GPR89A: variants seen among roughly 807,000 people sequenced by gnomAD.
The protein encoded by GPR89A is G protein-coupled receptor 89A.
GPR89A carries 16 observed loss-of-function variants against 52.0 expected under a neutral mutation model. The ratio of observed to expected loss-of-function variants is 0.31; its 90% CI spans 0.21 to 0.47. GPR89A has a LOEUF of 0.47. Among genes scored for constraint, GPR89A ranks in the 20% least tolerant of loss-of-function variants. GPR89A has a pLI of 1.00. For synonymous variants in GPR89A, 55 were observed against 150.9 expected (o/e 0.36, Z 4.66); for missense variants, 135 against 449.4 (o/e 0.30, Z 6.33).
At chr1:145,624,825 T>TACCC (rs1170042336) in intron 5 of GPR89A, among the ~76,000 whole-genome samples, 2 of 140,228 alleles carry the variant, frequency 1.4e-5, no homozygotes, top group Non-Finnish European at 3.1e-5. Context: ...TCACCACCCC[T>TACCC]ACATTGTTCA....
At position 145,670,591 on chromosome 1, in the gene GPR89A, T is replaced by TATC. The variant is rs1363635004; in HGVS notation, c.*552_*554dup. ...CCATTAAAATAACCAAGAAAGAGGT[T>TATC]ATCTGTTCTTTTCCGGGAAAGGGGT... On this transcript the variant is annotated 3_prime_UTR_variant, in exon 14 of 14. Transcript: ENST00000313835. 9.8e-5 allele frequency: 18 copies of TATC among 183,542 alleles called. No individual in the cohort carries two copies. The highest frequency in any genetic ancestry group is 1.6e-4 in the Non-Finnish European group (14 of 86,590). The allele number at this position is 183,542 out of a possible 1,614,324, so 11.4% of individuals were successfully genotyped here.
Position 145,655,243 on chromosome 1 carries a change from C to A in GPR89A, c.909+7976C>A, listed in dbSNP as rs1571533097. ...TTCTTTGCATTGGGTTAGAACATTA[C>A]TTCTTTTGCTCAGCAATGTTTGTTA... On this transcript the variant is annotated intron_variant, in intron 10 of 13. Coordinates refer to ENST00000313835, the MANE Select transcript of GPR89A (RefSeq NM_001097612.2). Among the ~76,000 whole-genome samples the A allele has an allele frequency of 5.9e-5, 9 of 152,262 alleles. No individual in the cohort carries two copies. In the South Asian group the frequency reaches 1.7e-3, roughly 28 times the overall value.
intron 7 of GPR89A, among the ~76,000 whole-genome samples, chr1:145,634,551 T>G (rs1650092757): frequency 6.6e-6 from 1 of 150,796 alleles, no homozygotes. Context: ...CAAGGTGGGA[T>G]TTCATAGAAA....
At chr1:145,617,645 G>C (rs1304538835) in intron 2 of GPR89A, among the ~76,000 whole-genome samples, 2 of 152,004 alleles carry the variant, frequency 1.3e-5, no homozygotes, top group Non-Finnish European at 2.9e-5. Flanking sequence ...AAATGTCCAT[G>C]AAACAATTTA....
chr1:145,669,620 G>A lies in GPR89A; in HGVS notation c.1096-5G>A. On this transcript the variant is annotated splice_polypyrimidine_tract_variant and splice_region_variant and intron_variant, in intron 12 of 13. Coordinates refer to ENST00000313835, the MANE Select transcript of GPR89A (RefSeq NM_001097612.2). ...GCATAAATTCATCTCCCTCTTTCTT[G>A]ACAGTTCTTTTATGCCATCTCTAGC... 6.2e-7 allele frequency: 1 copy of A among 1,610,920 alleles called. No homozygotes were observed.
At chr1:145,610,048 G>A (rs1218304744) in intron 1 of GPR89A, among the ~76,000 whole-genome samples, 1 of 151,976 alleles carries the variant, frequency 6.6e-6, no homozygotes, top group Non-Finnish European at 1.5e-5. Context: ...TTTGTTATCT[G>A]TCCATGAGGT....
intron 12 of GPR89A, among the ~76,000 whole-genome samples, chr1:145,667,044 A>G (rs1236730197): frequency 5.9e-5 from 9 of 152,178 alleles, no homozygotes; most frequent in African/African-American, 1.7e-4. Context: ...TGCAATAAAC[A>G]TACGTGTGCA....
intron 10 of GPR89A, among the ~76,000 whole-genome samples, chr1:145,660,476 G>T: frequency 6.6e-6 from 1 of 151,860 alleles, no homozygotes; most frequent in Non-Finnish European, 1.5e-5. Flanking sequence ...AAACTAAAGA[G>T]CTTCTGCACA....
intron 10 of GPR89A, among the ~76,000 whole-genome samples, chr1:145,658,881 G>A (rs1293777632): frequency 3.3e-5 from 5 of 151,634 alleles, no homozygotes; most frequent in East Asian, 2.0e-4. Flanking sequence ...GGGTTCAAGC[G>A]ATTCTCCTGC....
Position 145,635,172 on chromosome 1 carries a change from C to T in GPR89A, c.617+3428C>T, listed in dbSNP as rs587601640. On this transcript the variant is annotated intron_variant, in intron 7 of 13. Transcript: ENST00000313835. The stretch of plus-strand genomic sequence containing the variant: ...CTGTAATCCCAGCACTTTGGGAGGC[C>T]GAGTCGGGCAGATCACAAGGTCAGG... Among the ~76,000 whole-genome samples, 18 of 152,208 alleles carry T rather than the reference C, an allele frequency of 1.2e-4. No individual in the cohort carries two copies. The South Asian group carries it at 2.9e-3, about 25-fold the overall frequency.
chr1:145,614,228 A>G (rs1553686623), intron 1 of GPR89A, among the ~76,000 whole-genome samples: 1 of 152,210 alleles, frequency 6.6e-6, no homozygotes, highest in East Asian at 1.9e-4. Flanking sequence ...ACCCCAAATT[A>G]AAACTTCCTT....
At chr1:145,616,153 A>T (rs1311093766) in intron 1 of GPR89A, 81 bp from the exon 2 acceptor site, 4 of 842,454 alleles carry the variant, frequency 4.7e-6, no homozygotes, top group Non-Finnish European at 7.8e-6. Context: ...TAGTTAGCAG[A>T]CCTTTTATCA....
intron 7 of GPR89A, among the ~76,000 whole-genome samples, chr1:145,641,968 G>C: frequency 6.6e-6 from 1 of 151,784 alleles, no homozygotes; most frequent in South Asian, 2.1e-4. Flanking sequence ...AGCAAAATTG[G>C]TTTAGAATTA....
chr1:145,615,411 A>G (rs1378629536), intron 1 of GPR89A, among the ~76,000 whole-genome samples: 4 of 151,328 alleles, frequency 2.6e-5, no homozygotes, highest in Non-Finnish European at 5.9e-5. Flanking sequence ...TGGTGCAATC[A>G]TGGCTCACTG....
At chr1:145,619,945 G>A (rs1328612014) in intron 3 of GPR89A, among the ~76,000 whole-genome samples, 2 of 152,000 alleles carry the variant, frequency 1.3e-5, no homozygotes, top group Non-Finnish European at 2.9e-5. Context: ...AACCCAGGAG[G>A]CAGAGCTTGC....
chr1:145,619,549 A>C (rs1206282929), intron 3 of GPR89A, among the ~76,000 whole-genome samples: 1 of 152,064 alleles, frequency 6.6e-6, no homozygotes, highest in Non-Finnish European at 1.5e-5. Context: ...GAGTTTGAGG[A>C]TATGCAGTGA....
chr1:145,670,617 G>T lies in GPR89A; in HGVS notation c.*577G>T. ...ATCTGTTCTTTTCCGGGAAAGGGGT[G>T]GTATGCACCTGAAATAGATTTTACC... is the stretch of plus-strand genomic sequence containing the variant. On this transcript the variant is annotated 3_prime_UTR_variant, in exon 14 of 14. Coordinates refer to ENST00000313835, the MANE Select transcript of GPR89A (RefSeq NM_001097612.2). 1 of 174,792 alleles carries T rather than the reference G, an allele frequency of 5.7e-6. No homozygotes were observed. The highest frequency in any genetic ancestry group is 1.2e-5 in the Non-Finnish European group (1 of 80,888). 10.8% of individuals were successfully genotyped at this position (174,792 alleles called of 1,614,324 possible).
chr1:145,647,813 CTTCGTCGTCGTCGA>C (rs1651117003), intron 10 of GPR89A, among the ~76,000 whole-genome samples: 2 of 4,324 alleles, frequency 4.6e-4, no homozygotes, highest in Non-Finnish European at 6.8e-4. Context: ...CTCTCTCTCT[CTTCGTCGTCGTCGA>C]CTCTCTCTCT....
rs1230415403 is a variant in GPR89A at position 145,608,269 on chromosome 1, G to A, written c.42+94G>A. 1.9e-5 allele frequency: 29 copies of A among 1,537,298 alleles called. No individual in the cohort carries two copies. In the Admixed American group the frequency reaches 3.4e-4, roughly 18 times the overall value. On this transcript the variant is annotated intron_variant, in intron 1 of 13. Coordinates refer to ENST00000313835, the MANE Select transcript of GPR89A (RefSeq NM_001097612.2). ...GCGGTGCGGGCTGGTCCGGGGTCTC[G>A]CTCCTCTCTTACGCGTCCTGCGCTA...
Sources: gnomAD v4.1 joint callset for allele counts (sites outside exome capture counted in the v4.1 genomes callset) on GRCh38, gnomAD v4.1.1 for gene constraint, MANE v1.5 for transcripts, NCBI Gene and HGNC (gene_info 2026-07-23, HGNC 2026-07-21) for gene names.